The following PLPP2 variants were observed in gnomAD, a reference collection of about 807,000 sequenced individuals.
The protein encoded by PLPP2 is PAP2-gamma.
PLPP2 carries 29 observed loss-of-function variants against 35.2 expected under a neutral mutation model. The observed-to-expected ratio is 0.82, with a 90% CI of 0.61 to 1.12. The LOEUF is 1.12. Ranked by LOEUF, PLPP2 falls within the 50% of genes most tolerant of loss-of-function variation. The pLI, the probability that PLPP2 is intolerant of heterozygous loss-of-function variation, is 0.00. For synonymous variants in PLPP2, 162 were observed against 167.0 expected, an observed-to-expected ratio of 0.97 and a Z score of 0.23; for missense variants, 353 against 375.2, an observed-to-expected ratio of 0.94 and a Z score of 0.49.
At chr19:289,643 C>T (rs905013574) in intron 1 of PLPP2, among the ~76,000 whole-genome samples, 11 of 152,036 alleles carry the variant, frequency 7.2e-5, no homozygotes, top group African/African-American at 2.4e-4. Flanking sequence ...GCAGAGGTTG[C>T]AGTGAGCCGA....
chr19:289,168 G>A (rs1970332101), intron 1 of PLPP2, among the ~76,000 whole-genome samples: 1 of 152,212 alleles, frequency 6.6e-6, no homozygotes, highest in Non-Finnish European at 1.5e-5. Context: ...GCAGAGGGCA[G>A]GCGCACAACA....
chr19:282,347 GCC>G lies in PLPP2; in HGVS notation c.541-39_541-38del. On this transcript the variant is annotated intron_variant, in intron 4 of 5. Coordinates refer to ENST00000434325, the MANE Select transcript of PLPP2 (RefSeq NM_003712.4). ...AGAGGACGTGTTAGCCTGTGCACCT[GCC>G]AGGCGCTCCCCCTCCCCCTGCACAG... 1.9e-6 allele frequency: 3 copies of G among 1,595,268 alleles called. No homozygotes were observed. The African/African-American group carries it at 4.0e-5, about 21-fold the overall frequency.
intron 3 of PLPP2, chr19:284,045 A>T (rs1055203248): frequency 6.6e-6 from 1 of 152,152 alleles, no homozygotes; most frequent in Non-Finnish European, 1.5e-5. Flanking sequence ...AATATTCTAA[A>T]CACCCAGTTT....
rs116640672 is a variant in PLPP2, at chr19:289,190, C to T, written c.53-1019G>A. 7.8e-3 allele frequency among the ~76,000 whole-genome samples: 1,190 copies of T among 152,276 alleles called. 15 individuals carry two copies. Among genetic ancestry groups the T allele is most frequent in the African/African-American group, 0.027 (1,122 of 41,564 alleles). ...GCAGGCGCACAACAAAAGCCCGGGT[C>T]GGCTAGCCCAGAGACAAACCAAGGC... is the stretch of plus-strand genomic sequence containing the variant. On this transcript the variant is annotated intron_variant, in intron 1 of 5. Transcript: ENST00000434325.
chr19:290,864 C>G (rs761658210), intron 1 of PLPP2: 1 of 1,059,692 alleles, frequency 9.4e-7, no homozygotes, highest in Non-Finnish European at 1.2e-6. Context: ...CCGCGCGCAG[C>G]GGGAGCGCCC....
intron 1 of PLPP2, among the ~76,000 whole-genome samples, chr19:290,337 G>A (rs1970361396): frequency 1.3e-5 from 2 of 152,186 alleles, no homozygotes; most frequent in Non-Finnish European, 1.5e-5. Flanking sequence ...TTAGTTCCTG[G>A]CATACAGAAA....
chr19:286,629 A>G (rs1329358071), intron 3 of PLPP2: 1 of 152,044 alleles, frequency 6.6e-6, no homozygotes, highest in Non-Finnish European at 1.5e-5. Flanking sequence ...TTAATTCAAT[A>G]AAAAGATTAA....
chr19:291,306 C>A lies in PLPP2; in HGVS notation c.31G>T (p.Asp11Tyr). 1 of 1,600,944 alleles carries A rather than the reference C, an allele frequency of 6.2e-7. No homozygotes were observed. Among genetic ancestry groups the A allele is most frequent in the Non-Finnish European group, 8.5e-7 (1 of 1,174,950 alleles). The change falls in exon 1 of 6, where the codon GAC becomes TAC. Residue 11 changes from aspartate to tyrosine, a missense_variant. Asp to Tyr is a radical substitution (Grantham distance 160, BLOSUM62 -3). Coordinates refer to ENST00000434325, the MANE Select transcript of PLPP2 (RefSeq NM_003712.4). MQRRWVFVLL[D>Y]VLCLLVASLP... ...TTACCGACCAGTAAGCACAGCACGT[C>A]GAGCAGCACGAAGACCCACCTCCGC...
In PLPP2 at chr19:282,314, G is replaced by C. The variant is rs1458075098; in HGVS notation, c.541-4C>G. ...AGAGTCGTGCCTGCACATACAGCTG[G>C]AGTGGGGAGAGGACGTGTTAGCCTG... On this transcript the variant is annotated splice_polypyrimidine_tract_variant and splice_region_variant and intron_variant, in intron 4 of 5. Transcript: ENST00000434325. 1 of 1,612,994 alleles carries C rather than the reference G, an allele frequency of 6.2e-7. No individual in the cohort carries two copies. The highest frequency in any genetic ancestry group is 8.5e-7 in the Non-Finnish European group (1 of 1,179,604).
rs778975143 is a variant in PLPP2 at position 282,305 on chromosome 19, A to G, written c.546T>C (p.Tyr182=). The G allele has an allele frequency of 5.0e-6, 8 of 1,613,458 alleles. No individual in the cohort carries two copies. In the South Asian group the frequency reaches 7.7e-5, roughly 16 times the overall value. Residue 182 remains tyrosine (Y), a synonymous_variant, in exon 5 of 6, where the codon TAT becomes TAC. Transcript: ENST00000434325. Reference sequence around the variant, plus strand: ...ACTTCCAACAGAGTCGTGCCTGCACATACAGCTGGAGTGGGGAGAGGACGT... The same window carrying G: ...ACTTCCAACAGAGTCGTGCCTGCACGTACAGCTGGAGTGGGGAGAGGACGT... ...GMYCMVFLAL[Y]VQARLCWKWA... is the part of the protein sequence containing the mutation.
intron 3 of PLPP2, chr19:286,402 G>C (rs1234205844): frequency 6.6e-6 from 1 of 151,542 alleles, no homozygotes; most frequent in African/African-American, 2.4e-5. Context: ...GAGCCCAGGA[G>C]TTCAAGTCCT....
chr19:290,760 C>G (rs565601620), intron 1 of PLPP2, among the ~76,000 whole-genome samples: 26 of 152,282 alleles, frequency 1.7e-4, no homozygotes, highest in African/African-American at 2.6e-4. Context: ...GTGTCTCCCC[C>G]GCCCGAGCCA....
chr19:284,940 A>AC (rs1970245474), intron 3 of PLPP2: 1 of 152,092 alleles, frequency 6.6e-6, no homozygotes, highest in South Asian at 2.1e-4. Flanking sequence ...ACATGGCGAA[A>AC]CCCCGTCTCT....
chr19:282,221 C>T lies in PLPP2; in HGVS notation c.630G>A (p.Val210=), dbSNP rs1488923902. The change falls in exon 5 of 6, where the codon GTG becomes GTA. Residue 210 remains valine (V), a synonymous_variant. Transcript: ENST00000434325. ...TGTAATCAGACACGCGGGTGTAGCC[C>T]ACGTAGAGGGCAAAGGCCACCAGGA... ...QFFLVAFALY[V]GYTRVSDYKH... is the part of the protein sequence containing the mutation. 1 of 1,613,718 alleles carries T rather than the reference C, an allele frequency of 6.2e-7. No homozygotes were observed. The highest frequency in any genetic ancestry group is 2.2e-5 in the East Asian group (1 of 44,884).
intron 1 of PLPP2, 49 bp downstream of exon 1, chr19:291,236 G>C: frequency 6.3e-7 from 1 of 1,595,194 alleles, no homozygotes; most frequent in Non-Finnish European, 8.5e-7. Context: ...CCGGGGGCGT[G>C]TCCGTCCCGG....
intron 1 of PLPP2, among the ~76,000 whole-genome samples, chr19:289,479 G>T (rs935319120): frequency 4.8e-5 from 4 of 82,782 alleles, no homozygotes; most frequent in African/African-American, 1.9e-4. Context: ...ACTTTGGGAG[G>T]CCGAGGCGGG....
At position 287,464 on chromosome 19, in the gene PLPP2, C is replaced by G; in HGVS notation, c.482+10G>C. On this transcript the variant is annotated intron_variant, in intron 3 of 5. Coordinates refer to ENST00000434325, the MANE Select transcript of PLPP2 (RefSeq NM_003712.4). This position sits in a 1 kb window ranked among gnomAD's most constrained non-coding sequence, Gnocchi z 4.3. ...CCCCACAAGAGTGAAGGCTGCTGGT[C>G]CACACCCACCTGGCCTCGGTGACAT... 6.2e-7 allele frequency: 1 copy of G among 1,602,916 alleles called. No individual in the cohort carries two copies. Among genetic ancestry groups the G allele is most frequent in the Non-Finnish European group, 8.5e-7 (1 of 1,172,056 alleles).
rs145357715 is a variant in PLPP2 at position 282,797 on chromosome 19, G to A, written c.495C>T (p.Tyr165=). The change falls in exon 4 of 6, where the codon TAC becomes TAT. Residue 165 remains tyrosine, a synonymous_variant. Transcript: ENST00000434325. ...ACATCCCAAAGGAAGAGTGTCCCGAGTAGAAAGACAACCTGAGGAAGGAGA... is the reference window on the plus strand; with the variant it reads ...ACATCCCAAAGGAAGAGTGTCCCGAATAGAAAGACAACCTGAGGAAGGAGA... ...ADVTEARLSF[Y]SGHSSFGMYC... 1.9e-5 allele frequency: 30 copies of A among 1,613,656 alleles called. No homozygotes were observed. The highest frequency in any genetic ancestry group is 1.5e-4 in the Admixed American group (9 of 59,986).
intron 1 of PLPP2, among the ~76,000 whole-genome samples, chr19:290,062 C>T (rs1023715771): frequency 6.6e-6 from 1 of 152,186 alleles, no homozygotes; most frequent in African/African-American, 2.4e-5. Context: ...AAAACAGACA[C>T]CTTCTCTTCA....
Sources: gnomAD v4.1 joint callset for allele counts (sites outside exome capture counted in the v4.1 genomes callset) on GRCh38, gnomAD v4.1.1 for gene constraint, Gnocchi (gnomAD v3.1) non-coding constraint, MANE v1.5 for transcripts, NCBI Gene and HGNC (gene_info 2026-07-23, HGNC 2026-07-21) for gene names.